ZGPAT: variants seen among roughly 807,000 people sequenced by gnomAD.
ZGPAT encodes zinc finger CCCH-type and G-patch domain containing, also known as zinc finger CCCH-type with G patch domain-containing protein.
In ZGPAT, 39 loss-of-function variants were observed where a neutral mutation model predicts 47.9. The observed-to-expected ratio is 0.81, with a 90% CI of 0.63 to 1.06. ZGPAT has a LOEUF of 1.06. Among genes scored for constraint, ZGPAT ranks in the 50% least tolerant of loss-of-function variants. The pLI is 0.00. For synonymous variants in ZGPAT, 348 were observed against 292.9 expected (o/e 1.19, Z -1.92); for missense variants, 717 against 681.4 (o/e 1.05, Z -0.58).
Position 63,735,531 on chromosome 20 carries a change from G to C in ZGPAT, c.1364G>C (p.Ser455Thr), listed in dbSNP as rs754357232. 3 of 1,519,544 alleles carry C rather than the reference G, an allele frequency of 2.0e-6. No individual in the cohort carries two copies. In the Admixed American group the frequency reaches 6.7e-5, roughly 34 times the overall value. 94.1% of individuals were successfully genotyped at this position (1,519,544 alleles called of 1,614,324 possible). ...KIERTQRDIRSIQEALARNAG... is the reference protein window; with the variant it reads ...KIERTQRDIRTIQEALARNAG... ...GAGCGAACCCAGCGGGACATCAGGA[G>C]CATCCAGGAGGCTCTCGCCCGCAAC... is the stretch of plus-strand genomic sequence containing the variant. Residue 455 changes from serine to threonine, a missense_variant, in exon 6 of 7, where the codon AGC becomes ACC. Coordinates refer to ENST00000355969, the MANE Select transcript of ZGPAT (RefSeq NM_181485.3).
Position 63,734,755 on chromosome 20 carries a change from G to A in ZGPAT, c.922G>A (p.Gly308Ser), listed in dbSNP as rs1426748119. The change falls in exon 5 of 7, where the codon GGC (glycine) becomes AGC (serine). Residue 308 changes from glycine (G) to serine (S), a missense_variant. Physicochemically the swap from Gly to Ser is moderately conservative, Grantham distance 56. Coordinates refer to ENST00000355969, the MANE Select transcript of ZGPAT (RefSeq NM_181485.3). The part of the protein sequence containing the change: ...DSGTCSSAFA[G>S]WEVHTRGIGS... ...TGGGACCTGCAGCTCTGCCTTTGCT[G>A]GCTGGGAGGTGCACACGCGAGGTAT... is the stretch of plus-strand genomic sequence containing the variant. The A allele has an allele frequency of 1.2e-6, 2 of 1,613,910 alleles. No individual in the cohort carries two copies. The highest frequency in any genetic ancestry group is 1.7e-4 in the Middle Eastern group (1 of 6,060).
Position 63,716,353 on chromosome 20 carries a change from A to G in ZGPAT, c.584+7189A>G, listed in dbSNP as rs190814386. 8.5e-5 allele frequency among the ~76,000 whole-genome samples: 13 copies of G among 152,224 alleles called. No individual in the cohort carries two copies. The East Asian group carries it at 2.5e-3, about 29-fold the overall frequency. On this transcript the variant is annotated intron_variant, in intron 2 of 6. Transcript: ENST00000355969. ...CCTTGAGTCAGTTTAGATAGTTTGCATGCATGTTTCTAGGAATTTGTCCAT... is the reference window on the plus strand; with the variant it reads ...CCTTGAGTCAGTTTAGATAGTTTGCGTGCATGTTTCTAGGAATTTGTCCAT...
In ZGPAT at chr20:63,735,984, T is replaced by A. The variant is rs191837645; in HGVS notation, c.*65T>A. ...CACGGGCTGCCCTCAGGAAGACCAG[T>A]GTTGCCCGAGGAGGGGCCGGCCTGC... On this transcript the variant is annotated 3_prime_UTR_variant, in exon 7 of 7. Transcript: ENST00000355969. The A allele has an allele frequency of 7.1e-5, 111 of 1,562,224 alleles. 1 individual carries two copies. The highest frequency in any genetic ancestry group is 4.9e-4 in the Admixed American group (27 of 55,300).
intron 2 of ZGPAT, among the ~76,000 whole-genome samples, chr20:63,730,968 CTCTGTGTGTG>C (rs1184105349): frequency 1.0e-3 from 104 of 100,990 alleles, no homozygotes; most frequent in African/African-American, 5.3e-3. Flanking sequence ...CTCTCTCTCT[CTCTGTGTGTG>C]TGTGTGTGTG....
chr20:63,721,883 G>A (rs1236550423), intron 2 of ZGPAT, among the ~76,000 whole-genome samples: 1 of 152,008 alleles, frequency 6.6e-6, no homozygotes, highest in African/African-American at 2.4e-5. Flanking sequence ...GGGCGTGGTG[G>A]GTGCCTGTAA....
chr20:63,733,411 ACT>A (rs1212163538), intron 3 of ZGPAT, 59 bp downstream of exon 3: 4 of 1,599,788 alleles, frequency 2.5e-6, no homozygotes, highest in Non-Finnish European at 3.4e-6. Flanking sequence ...GTGTGTTGTC[ACT>A]GTGTGGCTGC....
intron 2 of ZGPAT, 50 bp downstream of exon 2, chr20:63,709,214 C>A (rs747150060): frequency 6.3e-7 from 1 of 1,589,984 alleles, no homozygotes; most frequent in African/African-American, 1.3e-5. Flanking sequence ...AAGGGGCACG[C>A]ACACAGGGTC....
At chr20:63,717,225 C>A (rs1193622206) in intron 2 of ZGPAT, among the ~76,000 whole-genome samples, 1 of 151,734 alleles carries the variant, frequency 6.6e-6, no homozygotes, top group South Asian at 2.1e-4. Context: ...TCCATTTTAA[C>A]CTTTGTTTCC....
intron 5 of ZGPAT, 60 bp from the exon 6 acceptor site, chr20:63,735,099 G>A (rs1174669571): frequency 1.2e-5 from 17 of 1,467,296 alleles, no homozygotes; most frequent in African/African-American, 2.8e-5. Flanking sequence ...TGCCATCCCC[G>A]TGCTCCTCAG....
chr20:63,731,952 A>G (rs972413527), intron 2 of ZGPAT, among the ~76,000 whole-genome samples: 1 of 152,320 alleles, frequency 6.6e-6, no homozygotes, highest in Admixed American at 6.5e-5. Flanking sequence ...TGCAAACACT[A>G]TGTCATTATA....
At chr20:63,722,969 G>A (rs559743566) in intron 2 of ZGPAT, among the ~76,000 whole-genome samples, 7 of 152,268 alleles carry the variant, frequency 4.6e-5, no homozygotes, top group South Asian at 2.1e-4. Flanking sequence ...ATCTACTTCC[G>A]TTGTACTATG....
rs1244040851 is a variant in ZGPAT, at chr20:63,735,951, G to A, written c.*32G>A. 1 of 1,593,558 alleles carries A rather than the reference G, an allele frequency of 6.3e-7. No individual in the cohort carries two copies. Among genetic ancestry groups the A allele is most frequent in the Non-Finnish European group, 8.6e-7 (1 of 1,167,092 alleles). ...CACAAGCACTATGGACGAAGCGTGG[G>A]ACCCCAGCACGGGCTGCCCTCAGGA... On this transcript the variant is annotated 3_prime_UTR_variant, in exon 7 of 7. Coordinates refer to ENST00000355969, the MANE Select transcript of ZGPAT (RefSeq NM_181485.3).
intron 2 of ZGPAT, among the ~76,000 whole-genome samples, chr20:63,732,238 T>A (rs1400121227): frequency 1.0e-5 from 1 of 99,478 alleles, no homozygotes; most frequent in Admixed American, 1.0e-4. Flanking sequence ...CGGGTGCATG[T>A]GTGCGTGCAC....
At chr20:63,711,130 A>G (rs574978321) in intron 2 of ZGPAT, among the ~76,000 whole-genome samples, 25 of 152,040 alleles carry the variant, frequency 1.6e-4, no homozygotes, top group Admixed American at 1.4e-3. Context: ...CCCTGGCCCA[A>G]GCCATCCTCC....
At chr20:63,707,971 G>A (rs1353029660), upstream of ZGPAT, 1 of 152,120 alleles carries the variant, frequency 6.6e-6, no homozygotes, top group Non-Finnish European at 1.5e-5. Context: ...GCCGGCCTCA[G>A]GGAATGAGCT....
At chr20:63,733,136 C>G in intron 2 of ZGPAT, 83 bp from the exon 3 acceptor site, 1 of 1,555,886 alleles carries the variant, frequency 6.4e-7, no homozygotes, top group East Asian at 2.3e-5. Flanking sequence ...GGACAGTGCC[C>G]AGGCGGATGG....
At chr20:63,732,119 G>GTGCACGTGACAGTC (rs2091911370) in intron 2 of ZGPAT, among the ~76,000 whole-genome samples, 1 of 152,278 alleles carries the variant, frequency 6.6e-6, no homozygotes, top group South Asian at 2.1e-4. Flanking sequence ...ATATGAGTGA[G>GTGCACGTGACAGTC]TGCACGTGAC....
intron 2 of ZGPAT, among the ~76,000 whole-genome samples, chr20:63,732,288 CGTGTGTGTGT>C (rs56046298): frequency 8.7e-4 from 125 of 142,996 alleles, no homozygotes; most frequent in South Asian, 1.3e-3. Context: ...TGGGTGAGGG[CGTGTGTGTGT>C]GCATGTGTGT....
At chr20:63,724,363 T>TGAAA (rs375122843) in intron 2 of ZGPAT, among the ~76,000 whole-genome samples, 1 of 124,672 alleles carries the variant, frequency 8.0e-6, no homozygotes, top group Non-Finnish European at 1.6e-5. Flanking sequence ...AGACTCTGCC[T>TGAAA]AAAAAAAAAA....
Sources: allele counts gnomAD v4.1 joint callset (sites outside exome capture counted in the v4.1 genomes callset), GRCh38; gene constraint gnomAD v4.1.1; transcripts MANE v1.5; gene names NCBI Gene and HGNC (gene_info 2026-07-23, HGNC 2026-07-21).